MBP: variants seen among roughly 807,000 people sequenced by gnomAD.
The protein encoded by MBP is Golli-MBP.
In MBP, 16 loss-of-function variants were observed where a neutral mutation model predicts 35.8. That is an observed-to-expected ratio of 0.45 (90% CI 0.30 to 0.68). The LOEUF (loss-of-function observed/expected upper bound fraction) is 0.68. Ranked by LOEUF, MBP falls within the 30% of genes least tolerant of loss-of-function variation. The pLI is 0.08. For synonymous variants in MBP, 143 were observed against 159.6 expected, an observed-to-expected ratio of 0.90 and a Z score of 0.78; for missense variants, 380 against 404.7, an observed-to-expected ratio of 0.94 and a Z score of 0.52.
intron 4 of MBP, among the ~76,000 whole-genome samples, chr18:76,992,155 TC>T (rs1411549321): frequency 2.6e-5 from 4 of 152,198 alleles, no homozygotes; most frequent in Non-Finnish European, 4.4e-5. Context: ...AAGCAGCGGT[TC>T]CCAACCTTTT....
At chr18:77,057,598 G>T (rs1973774236) in intron 3 of MBP, among the ~76,000 whole-genome samples, 1 of 152,118 alleles carries the variant, frequency 6.6e-6, no homozygotes, top group Non-Finnish European at 1.5e-5. Flanking sequence ...GCGACTGCCA[G>T]GTCCAAATGG....
chr18:77,100,913 AC>A, intron 2 of MBP, among the ~76,000 whole-genome samples: 1 of 151,744 alleles, frequency 6.6e-6, no homozygotes, highest in Non-Finnish European at 1.5e-5. Flanking sequence ...TCACCAGAAA[AC>A]CCCAAAGAGT....
intron 3 of MBP, among the ~76,000 whole-genome samples, chr18:77,034,857 C>G (rs1034675111): frequency 1.3e-5 from 2 of 152,178 alleles, no homozygotes; most frequent in Non-Finnish European, 2.9e-5. Context: ...CCAGGGCCCC[C>G]GTGCACCATT....
At chr18:77,098,914 C>T (rs1294200990) in intron 2 of MBP, among the ~76,000 whole-genome samples, 5 of 152,004 alleles carry the variant, frequency 3.3e-5, no homozygotes, top group Non-Finnish European at 5.9e-5. Context: ...CCCACTACCC[C>T]CTCCCCTCTT....
intron 2 of MBP, among the ~76,000 whole-genome samples, chr18:77,074,180 C>T (rs1335732061): frequency 6.6e-6 from 1 of 152,138 alleles, no homozygotes; most frequent in African/African-American, 2.4e-5. Flanking sequence ...CACGTGGGGG[C>T]TTCAATTTTT....
At chr18:77,004,212 A>G (rs1362144881) in intron 4 of MBP, 3 of 152,130 alleles carry the variant, frequency 2.0e-5, no homozygotes, top group Non-Finnish European at 2.9e-5. Flanking sequence ...TACTAGTTAA[A>G]TACTAGTTAC....
intron 2 of MBP, among the ~76,000 whole-genome samples, chr18:77,072,697 AG>A (rs1212960346): frequency 6.6e-6 from 1 of 152,216 alleles, no homozygotes; most frequent in African/African-American, 2.4e-5. Flanking sequence ...GCCACTTCTC[AG>A]GGGCTCTGGC....
chr18:76,983,533 G>A (rs1000291604), intron 8 of MBP: 2 of 152,182 alleles, frequency 1.3e-5, no homozygotes, highest in Non-Finnish European at 2.9e-5. Flanking sequence ...CCTGAGACTT[G>A]AATATTTGGA....
At chr18:77,009,725 G>T in intron 4 of MBP, 1 of 813,690 alleles carries the variant, frequency 1.2e-6, no homozygotes, top group Non-Finnish European at 1.9e-6. Context: ...CCTCACAGAT[G>T]CCCCGGAGGC....
chr18:77,124,810 T>C (rs1976998610), intron 1 of MBP, among the ~76,000 whole-genome samples: 1 of 152,190 alleles, frequency 6.6e-6, no homozygotes, highest in Non-Finnish European at 1.5e-5. Context: ...TAGACTGCTC[T>C]TAGAGGCCCA....
chr18:77,015,772 C>T, intron 4 of MBP: 1 of 985,444 alleles, frequency 1.0e-6, no homozygotes. Context: ...ATTCTAGAAA[C>T]TCCTTAACTC....
Position 76,988,346 on chromosome 18 carries a change from G to T in MBP, c.750+149C>A. On this transcript the variant is annotated intron_variant, in intron 7 of 8. Transcript: ENST00000355994. This position sits in a 1 kb window ranked among gnomAD's most constrained non-coding sequence, Gnocchi z 5.2. ...TTTCATTTCCCCAGTGGAAGACAAG[G>T]CGGCCCGATCCCAGCTGTGGGCAGA... 6.2e-7 allele frequency: 1 copy of T among 1,603,540 alleles called. No homozygotes were observed. The highest frequency in any genetic ancestry group is 8.5e-7 in the Non-Finnish European group (1 of 1,174,822).
At chr18:77,048,653 G>A (rs1164205125) in intron 3 of MBP, among the ~76,000 whole-genome samples, 8 of 152,076 alleles carry the variant, frequency 5.3e-5, no homozygotes, top group African/African-American at 1.4e-4. Context: ...TAGTTGAGAC[G>A]GGGTTTCACC....
intron 8 of MBP, chr18:76,983,826 C>G (rs1969363035): frequency 6.6e-6 from 1 of 152,292 alleles, no homozygotes; most frequent in African/African-American, 2.4e-5. Context: ...ATCCCCGCTG[C>G]TGGGCAGAGC....
chr18:77,008,983 T>C (rs12955250), intron 4 of MBP, among the ~76,000 whole-genome samples: 38,093 of 152,238 alleles, frequency 0.25, 5,172 homozygotes, highest in Middle Eastern at 0.31. Flanking sequence ...CCATTGAGCA[T>C]AGCTGTGAAA....
intron 2 of MBP, among the ~76,000 whole-genome samples, chr18:77,078,304 TTTCAACCGCCACG>T (rs1231148135): frequency 5.9e-5 from 9 of 152,156 alleles, no homozygotes; most frequent in African/African-American, 2.2e-4. Context: ...CTACCTCCAC[TTTCAACCGCCACG>T]TTCCCTCCCT....
chr18:76,987,652 C>A (rs182818349), intron 7 of MBP: 5 of 988,472 alleles, frequency 5.1e-6, no homozygotes, highest in Non-Finnish European at 6.0e-6. Flanking sequence ...TCTGTTCTAG[C>A]GTATGAGAGC....
rs1414642355 is a variant in MBP at position 76,978,999 on chromosome 18, G to A, written c.*1428C>T. On this transcript the variant is annotated 3_prime_UTR_variant, in exon 9 of 9. Transcript: ENST00000355994. ...TCTGCTGAAAAATTTGGAGGTTTGT[G>A]TCTGGAGTTTTGTTCTTTGTAACTC... is the stretch of plus-strand genomic sequence containing the variant. The A allele has an allele frequency of 1.3e-5, 2 of 152,164 alleles. No homozygotes were observed. The highest frequency in any genetic ancestry group is 2.9e-5 in the Non-Finnish European group (2 of 68,034). 9.4% of individuals were successfully genotyped at this position (152,164 alleles called of 1,614,324 possible).
intron 3 of MBP, among the ~76,000 whole-genome samples, chr18:77,046,821 G>C (rs1184300359): frequency 1.3e-5 from 2 of 152,224 alleles, no homozygotes; most frequent in Non-Finnish European, 2.9e-5. Flanking sequence ...TTGTTCTGGT[G>C]TAAGTACTGG....
Sources: gnomAD v4.1 joint callset for allele counts (sites outside exome capture counted in the v4.1 genomes callset) on GRCh38, gnomAD v4.1.1 for gene constraint, Gnocchi (gnomAD v3.1) non-coding constraint, MANE v1.5 for transcripts, NCBI Gene and HGNC (gene_info 2026-07-23, HGNC 2026-07-21) for gene names.